The following SP140L variants were observed in gnomAD, a reference collection of about 807,000 sequenced individuals.
SP140L encodes nuclear body protein SP140-like protein.
SP140L carries 64 observed loss-of-function variants against 84.3 expected under a neutral mutation model. That is an observed-to-expected ratio of 0.76 (90% confidence interval 0.62 to 0.94). The LOEUF is 0.94. SP140L is among the 40% of genes least tolerant of loss of function. The probability of loss-of-function intolerance (pLI) is 0.00; values close to 1 mark genes in which losing one functional copy is unlikely to be tolerated. For synonymous variants in SP140L, 242 were observed against 236.9 expected, an observed-to-expected ratio of 1.02 and a Z score of -0.20; for missense variants, 628 against 692.5, an observed-to-expected ratio of 0.91 and a Z score of 1.05.
intron 7 of SP140L, among the ~76,000 whole-genome samples, chr2:230,373,863 T>C (rs1183477240): frequency 1.3e-5 from 2 of 152,226 alleles, no homozygotes; most frequent in African/African-American, 4.8e-5. Flanking sequence ...CCATTTCACA[T>C]TGCGATTAAG....
intron 2 of SP140L, among the ~76,000 whole-genome samples, chr2:230,342,724 G>A (rs970616431): frequency 1.3e-5 from 2 of 152,152 alleles, no homozygotes; most frequent in Non-Finnish European, 2.9e-5. Flanking sequence ...GAATTACTGT[G>A]TTATTAGTTG....
Position 230,359,071 on chromosome 2 carries a change from C to T in SP140L, c.378C>T (p.Phe126=). 1 of 1,613,334 alleles carries T rather than the reference C, an allele frequency of 6.2e-7. No homozygotes were observed. The highest frequency in any genetic ancestry group is 8.5e-7 in the Non-Finnish European group (1 of 1,179,804). Residue 126 remains phenylalanine (F), a synonymous_variant, in exon 4 of 19, where the codon TTC becomes TTT. Coordinates refer to ENST00000415673, the MANE Select transcript of SP140L (RefSeq NM_138402.6). ...ACCTGTCAGTTTTGGAAGCACTGTTCAGCGAGGTCAACATGCAGGAATACC... is the reference window on the plus strand; with the variant it reads ...ACCTGTCAGTTTTGGAAGCACTGTTTAGCGAGGTCAACATGCAGGAATACC... ...TFNLSVLEAL[F]SEVNMQEYPD...
chr2:230,332,363 A>G (rs1326030478), intron 2 of SP140L, among the ~76,000 whole-genome samples: 1 of 152,222 alleles, frequency 6.6e-6, no homozygotes, highest in African/African-American at 2.4e-5. Flanking sequence ...GATTATCTTT[A>G]ACCTTTTAGC....
chr2:230,355,307 T>C (rs2060509249), intron 2 of SP140L, among the ~76,000 whole-genome samples: 2 of 152,082 alleles, frequency 1.3e-5, no homozygotes, highest in Non-Finnish European at 2.9e-5. Context: ...TCTCCTACAA[T>C]GGCAATAAGG....
intron 9 of SP140L, 34 bp from the exon 10 acceptor site, chr2:230,388,525 T>C: frequency 6.4e-7 from 1 of 1,566,446 alleles, no homozygotes; most frequent in South Asian, 1.2e-5. Context: ...AGCTGCTCAT[T>C]TGTAACTGTG....
At chr2:230,365,057 TTATCAGGGA>T (rs1429746780) in intron 5 of SP140L, among the ~76,000 whole-genome samples, 28 of 152,036 alleles carry the variant, frequency 1.8e-4, no homozygotes. Context: ...TCACATATGT[TTATCAGGGA>T]TATCAGGGAT....
At chr2:230,384,162 A>G (rs2061494327) in intron 8 of SP140L, among the ~76,000 whole-genome samples, 2 of 152,116 alleles carry the variant, frequency 1.3e-5, no homozygotes, top group South Asian at 2.1e-4. Context: ...GTATTTAAGT[A>G]TATGTGTTGT....
chr2:230,394,098 C>A (rs929158866), intron 13 of SP140L, among the ~76,000 whole-genome samples: 2 of 152,212 alleles, frequency 1.3e-5, no homozygotes, highest in East Asian at 3.8e-4. Flanking sequence ...TCTCCAGAGG[C>A]AAACGTATTT....
At chr2:230,342,406 G>T (rs1216731155) in intron 2 of SP140L, among the ~76,000 whole-genome samples, 1 of 152,218 alleles carries the variant, frequency 6.6e-6, no homozygotes, top group Non-Finnish European at 1.5e-5. Flanking sequence ...ACTCTCTAGT[G>T]AGATGAACCC....
chr2:230,401,092 T>G (rs1008682924), intron 16 of SP140L, 29 bp downstream of exon 16: 1 of 958,224 alleles, frequency 1.0e-6, no homozygotes, highest in Admixed American at 2.6e-5. Context: ...CCAAGCCTTC[T>G]CCTTTCCCCT....
At chr2:230,376,415 A>G (rs915431495) in intron 7 of SP140L, among the ~76,000 whole-genome samples, 4 of 152,190 alleles carry the variant, frequency 2.6e-5, no homozygotes, top group Admixed American at 6.5e-5. Flanking sequence ...AGATTTAAAG[A>G]TCAGTTGTGT....
chr2:230,357,281 T>C (rs2060577663), intron 2 of SP140L, among the ~76,000 whole-genome samples: 1 of 152,236 alleles, frequency 6.6e-6, no homozygotes, highest in Non-Finnish European at 1.5e-5. Flanking sequence ...ATTATCATTA[T>C]TAAACCACAT....
intron 18 of SP140L, among the ~76,000 whole-genome samples, chr2:230,402,215 C>T (rs2062375822): frequency 6.6e-6 from 1 of 152,168 alleles, no homozygotes; most frequent in Non-Finnish European, 1.5e-5. Flanking sequence ...CAAGGATTGC[C>T]AGCAAGGAGT....
chr2:230,345,405 G>A (rs1177665406), intron 2 of SP140L, among the ~76,000 whole-genome samples: 1 of 152,098 alleles, frequency 6.6e-6, no homozygotes, highest in Non-Finnish European at 1.5e-5. Context: ...CCTACCATGA[G>A]TCTCTTACAT....
chr2:230,353,227 C>G (rs1575462789), intron 2 of SP140L, among the ~76,000 whole-genome samples: 2 of 152,078 alleles, frequency 1.3e-5, no homozygotes, highest in East Asian at 3.9e-4. Flanking sequence ...TAACCCAACA[C>G]AGTGTGTTTT....
intron 5 of SP140L, 41 bp from the exon 6 acceptor site, chr2:230,370,867 A>T: frequency 6.3e-7 from 1 of 1,599,854 alleles, no homozygotes; most frequent in African/African-American, 1.3e-5. Context: ...AGCGACCAGC[A>T]TGTGAAAATG....
At chr2:230,368,719 A>G (rs1162857394) in intron 5 of SP140L, among the ~76,000 whole-genome samples, 4 of 151,866 alleles carry the variant, frequency 2.6e-5, no homozygotes, top group African/African-American at 9.7e-5. Flanking sequence ...CCTCTACATG[A>G]TTAATTCTGA....
At chr2:230,383,484 T>A (rs760825682) in intron 7 of SP140L, 26 bp from the exon 8 acceptor site, 2 of 1,575,580 alleles carry the variant, frequency 1.3e-6, no homozygotes, top group Non-Finnish European at 1.7e-6. Context: ...CTCTGTATAA[T>A]TAACTTTATT....
In SP140L at chr2:230,400,147, T is replaced by C. The variant is rs749357708; in HGVS notation, c.1218T>C (p.Cys406=). The change falls in exon 15 of 19, where the codon TGT becomes TGC. Residue 406 remains cysteine (C), a synonymous_variant. Transcript: ENST00000415673. ...TCTAGATGAGAAACTTGGATGAGTG[T>C]GAGGTGTGCCGGGACGGAGGGGAGC... ...VDPCMRNLDE[C]EVCRDGGELF... is the part of the protein sequence containing the mutation. The C allele has an allele frequency of 3.1e-6, 5 of 1,614,066 alleles. No homozygotes were observed. The East Asian group carries it at 8.9e-5, about 29-fold the overall frequency.
Sources: allele counts gnomAD v4.1 joint callset (sites outside exome capture counted in the v4.1 genomes callset), GRCh38; gene constraint gnomAD v4.1.1; transcripts MANE v1.5; gene names NCBI Gene and HGNC (gene_info 2026-07-23, HGNC 2026-07-21).